Variants in KMT2E observed in about 807,000 individuals in gnomAD.
KMT2E encodes lysine methyltransferase 2E (inactive).
Under a neutral mutation model 184.6 loss-of-function variants are expected in KMT2E, and 30 were observed. That is an observed-to-expected ratio of 0.16 (90% confidence interval 0.12 to 0.22). The LOEUF is 0.22. Ranked by LOEUF, KMT2E falls within the 10% of genes least tolerant of loss-of-function variation. KMT2E has a pLI of 1.00. For missense variants in KMT2E, 2,023 were observed against 2,237.4 expected, an observed-to-expected ratio of 0.90 and a Z score of 1.93; for synonymous variants, 815 against 776.5, an observed-to-expected ratio of 1.05 and a Z score of -0.82.
At chr7:105,021,519 A>G (rs758199257) in intron 1 of KMT2E, among the ~76,000 whole-genome samples, 2 of 152,236 alleles carry the variant, frequency 1.3e-5, no homozygotes, top group Non-Finnish European at 2.9e-5. Flanking sequence ...AGGATTTGTT[A>G]TAAGGCTATA....
chr7:105,064,982 C>G (rs1023953252), intron 5 of KMT2E, among the ~76,000 whole-genome samples: 4 of 152,122 alleles, frequency 2.6e-5, no homozygotes, highest in Non-Finnish European at 5.9e-5. Context: ...ACAGTTATCT[C>G]TATTAGAGAA....
rs1310092999 is a variant in KMT2E, at chr7:105,101,958, T to G, written c.1960T>G (p.Phe654Val). 6.2e-7 allele frequency: 1 copy of G among 1,613,852 alleles called. No homozygotes were observed. Among genetic ancestry groups the G allele is most frequent in the South Asian group, 1.1e-5 (1 of 91,062 alleles). ...AAATAGAACTAAACAGAGAAAAAGT[T>G]TTTCTCGGAGTAGGACTCACATTGG... ...KVNRTKQRKS[F>V]SRSRTHIGQQ... The change falls in exon 17 of 27, where the codon TTT (phenylalanine) becomes GTT (valine). Residue 654 changes from phenylalanine to valine, a missense_variant. Phe to Val is a conservative substitution (Grantham distance 50). Around this residue, in one of 8 missense-constraint regions of KMT2E, gnomAD observed 514 missense variants for 621.8 expected, o/e 0.83. Coordinates refer to ENST00000311117, the MANE Select transcript of KMT2E (RefSeq NM_182931.3).
At chr7:105,070,705 T>TG (rs921994842) in intron 6 of KMT2E, among the ~76,000 whole-genome samples, 7 of 150,122 alleles carry the variant, frequency 4.7e-5, no homozygotes, top group Non-Finnish European at 7.4e-5. Flanking sequence ...CCCAGCTCTT[T>TG]GGGGGGCTGA....
At chr7:105,071,609 T>TATATATATATATATATA (rs1491132838) in intron 6 of KMT2E, among the ~76,000 whole-genome samples, 29 of 45,372 alleles carry the variant, frequency 6.4e-4, no homozygotes, top group East Asian at 1.6e-3. Context: ...TATATATATA[T>TATATATATATATATATA]TTTTTTTTTT....
intron 23 of KMT2E, 57 bp from the exon 24 acceptor site, chr7:105,110,223 C>A: frequency 7.5e-7 from 1 of 1,335,644 alleles, no homozygotes; most frequent in Non-Finnish European, 1.1e-6. Context: ...TATGAAGCAA[C>A]AATGTAACTA....
chr7:105,095,107 T>C (rs1024361288), intron 15 of KMT2E, among the ~76,000 whole-genome samples: 7 of 152,298 alleles, frequency 4.6e-5, no homozygotes, highest in Middle Eastern at 3.4e-3. Flanking sequence ...TTCATTTTTT[T>C]AAATGAGAAT....
At chr7:105,025,243 A>G (rs1346493992) in intron 1 of KMT2E, among the ~76,000 whole-genome samples, 1 of 152,134 alleles carries the variant, frequency 6.6e-6, no homozygotes, top group Non-Finnish European at 1.5e-5. Flanking sequence ...TTCTTTGGGC[A>G]ATGTTTTCTA....
At chr7:105,098,072 T>G (rs1798491529) in intron 15 of KMT2E, among the ~76,000 whole-genome samples, 1 of 152,234 alleles carries the variant, frequency 6.6e-6, no homozygotes, top group Non-Finnish European at 1.5e-5. Flanking sequence ...TGATTTTTAT[T>G]AGTAACAAAT....
chr7:105,103,507 C>T (rs1798746564), intron 17 of KMT2E: 1 of 152,112 alleles, frequency 6.6e-6, no homozygotes, highest in Non-Finnish European at 1.5e-5. Flanking sequence ...GGTTCTATCA[C>T]AACCCTTCTT....
chr7:105,111,496 T>C (rs1433710397), intron 26 of KMT2E, among the ~76,000 whole-genome samples: 2 of 152,132 alleles, frequency 1.3e-5, no homozygotes, highest in Non-Finnish European at 2.9e-5. Context: ...AAACTTGCTA[T>C]TGGAGTTCTT....
chr7:105,111,902 C>T lies in KMT2E; in HGVS notation c.4146C>T (p.Ser1382=). ...IFTKPDPQWD[S]TVSASEAENG... is the part of the protein sequence containing the mutation. ...CAAAACCAGATCCCCAATGGGACTC[C>T]ACAGTTAGTGCATCCGAAGCTGAAA... Residue 1382 remains serine, a synonymous_variant, in exon 27 of 27, where the codon TCC becomes TCT. Transcript: ENST00000311117. The T allele has an allele frequency of 6.2e-7, 1 of 1,614,152 alleles. No individual in the cohort carries two copies. Among genetic ancestry groups the T allele is most frequent in the Non-Finnish European group, 8.5e-7 (1 of 1,180,024 alleles).
At position 105,112,906 on chromosome 7, in the gene KMT2E, C is replaced by G. The variant is rs1250874081; in HGVS notation, c.5150C>G (p.Pro1717Arg). The change falls in exon 27 of 27, where the codon CCA (proline) becomes CGA (arginine). Residue 1717 changes from proline to arginine, a missense_variant. By Grantham distance (103) the Pro-to-Arg change is moderately radical (BLOSUM62 -2). Transcript: ENST00000311117. ...HQHVVNSAPP[P>R]PPPPPPSSVL... The stretch of plus-strand genomic sequence containing the variant: ...CATGTTGTAAATTCAGCACCCCCAC[C>G]ACCCCCTCCGCCGCCACCTTCCAGT... 6.2e-7 allele frequency: 1 copy of G among 1,613,362 alleles called. No individual in the cohort carries two copies. The highest frequency in any genetic ancestry group is 1.3e-5 in the African/African-American group (1 of 74,636).
chr7:105,071,582 G>GTA (rs1554392567), intron 6 of KMT2E, among the ~76,000 whole-genome samples: 1,766 of 34,850 alleles, frequency 0.051, 125 homozygotes, highest in Middle Eastern at 0.1. Context: ...ATGTGTGTGT[G>GTA]TATATATATA....
At chr7:105,028,671 A>AT (rs1376835516) in intron 1 of KMT2E, among the ~76,000 whole-genome samples, 2 of 151,264 alleles carry the variant, frequency 1.3e-5, no homozygotes, top group African/African-American at 2.4e-5. Flanking sequence ...GCTAATTTTC[A>AT]TTTTTTGTTT....
At chr7:105,074,995 G>A (rs1414378530) in intron 8 of KMT2E, among the ~76,000 whole-genome samples, 180 bp downstream of exon 8, 1 of 152,168 alleles carries the variant, frequency 6.6e-6, no homozygotes, top group African/African-American at 2.4e-5. Flanking sequence ...GATTGAAGCA[G>A]ATTAGAGAAG....
intron 7 of KMT2E, among the ~76,000 whole-genome samples, chr7:105,074,383 CGTA>C (rs1276371175): frequency 6.6e-6 from 1 of 152,088 alleles, no homozygotes; most frequent in Non-Finnish European, 1.5e-5. Context: ...AATTTCCACT[CGTA>C]GTGTATGAGA....
intron 6 of KMT2E, among the ~76,000 whole-genome samples, chr7:105,070,706 G>A (rs536482405): frequency 6.6e-6 from 1 of 150,882 alleles, no homozygotes; most frequent in Non-Finnish European, 1.5e-5. Flanking sequence ...CCAGCTCTTT[G>A]GGGGGCTGAG....
intron 6 of KMT2E, among the ~76,000 whole-genome samples, chr7:105,073,342 A>G (rs1797402523): frequency 6.6e-6 from 1 of 151,862 alleles, no homozygotes; most frequent in Admixed American, 6.6e-5. Flanking sequence ...GGCTGCAGCA[A>G]ACTGTGATTG....
At chr7:105,109,832 AATAAGATT>A (rs938316295) in intron 23 of KMT2E, among the ~76,000 whole-genome samples, 2 of 150,664 alleles carry the variant, frequency 1.3e-5, no homozygotes, top group African/African-American at 4.9e-5. Flanking sequence ...CAGTCAGCAA[AATAAGATT>A]AACTTTTTTT....
Sources: gnomAD v4.1 joint callset for allele counts (sites outside exome capture counted in the v4.1 genomes callset) on GRCh38, gnomAD v4.1.1 for gene constraint, gnomAD v4.1.1 regional missense constraint, MANE v1.5 for transcripts, NCBI Gene and HGNC (gene_info 2026-07-23, HGNC 2026-07-21) for gene names.